The following CLHC1 variants were observed in gnomAD, a reference collection of about 807,000 sequenced individuals.
The protein encoded by CLHC1 is clathrin heavy chain linker domain containing 1, also known as clathrin heavy chain linker domain-containing protein 1.
In CLHC1, 72 loss-of-function variants were observed where a neutral mutation model predicts 69.5. That is an observed-to-expected ratio of 1.04 (90% CI 0.86 to 1.26). The LOEUF (loss-of-function observed/expected upper bound fraction) is 1.26. CLHC1 is among the 50% of genes most tolerant of loss of function. The probability of loss-of-function intolerance (pLI) is 0.00; values close to 1 mark genes in which losing one functional copy is unlikely to be tolerated. For missense variants in CLHC1, 790 were observed against 679.3 expected, an observed-to-expected ratio of 1.16 and a Z score of -1.81; for synonymous variants, 223 against 224.3, an observed-to-expected ratio of 0.99 and a Z score of 0.05.
intron 2 of CLHC1, among the ~76,000 whole-genome samples, chr2:55,227,462 G>A (rs570326643): frequency 3.3e-5 from 5 of 152,082 alleles, no homozygotes; most frequent in South Asian, 2.1e-4. Context: ...GGCAGATCAC[G>A]AGATCAGGAG....
chr2:55,211,770 T>C (rs1196592236), intron 5 of CLHC1, among the ~76,000 whole-genome samples: 2 of 152,118 alleles, frequency 1.3e-5, no homozygotes, highest in African/African-American at 2.4e-5. Context: ...TATCTGTAAT[T>C]CCTCTATCCA....
chr2:55,213,302 G>A (rs1673185810), intron 4 of CLHC1, among the ~76,000 whole-genome samples: 1 of 152,214 alleles, frequency 6.6e-6, no homozygotes, highest in African/African-American at 2.4e-5. Flanking sequence ...CCTTGGGGCT[G>A]CAGGCATTCT....
rs1327370225 is a variant in CLHC1, at chr2:55,208,821, C to G, written c.815-111G>C. 6.3e-6 allele frequency: 4 copies of G among 630,100 alleles called. No individual in the cohort carries two copies. The East Asian group carries it at 1.1e-4, about 18-fold the overall frequency. 39.0% of individuals were successfully genotyped at this position (630,100 alleles called of 1,614,324 possible). On this transcript the variant is annotated intron_variant, in intron 7 of 12. Transcript: ENST00000401408. ...AGCTTATTGCTATGGCTCCTAACAG[C>G]AGCAACCTCTTCCTAAACTTAGTGG...
At chr2:55,199,857 A>T (rs547866556) in intron 9 of CLHC1, among the ~76,000 whole-genome samples, 16 of 152,270 alleles carry the variant, frequency 1.1e-4, no homozygotes, top group African/African-American at 3.9e-4. Context: ...ACAACCAAAA[A>T]ATAACAAAAT....
intron 2 of CLHC1, among the ~76,000 whole-genome samples, chr2:55,226,128 G>A (rs138129674): frequency 6.6e-6 from 1 of 151,226 alleles, no homozygotes; most frequent in African/African-American, 2.4e-5. Context: ...GGAGGCGGAG[G>A]TTGCAGTGAG....
intron 7 of CLHC1, 49 bp from the exon 8 acceptor site, chr2:55,208,759 A>G: frequency 7.9e-7 from 1 of 1,265,282 alleles, no homozygotes; most frequent in South Asian, 1.2e-5. Context: ...TTACTTACCA[A>G]TAGAAAACAA....
intron 3 of CLHC1, among the ~76,000 whole-genome samples, chr2:55,221,014 T>G (rs1325307138): frequency 1.3e-5 from 2 of 152,196 alleles, no homozygotes; most frequent in African/African-American, 4.8e-5. Context: ...CGTATCAACT[T>G]TCCTTATTCT....
intron 9 of CLHC1, among the ~76,000 whole-genome samples, chr2:55,184,193 C>T (rs1670198626): frequency 6.8e-6 from 1 of 148,028 alleles, no homozygotes; most frequent in African/African-American, 2.5e-5. Context: ...GTAATCTTAA[C>T]TTCCCAGGCT....
chr2:55,203,858 C>T (rs941505307), intron 9 of CLHC1, among the ~76,000 whole-genome samples: 4 of 152,056 alleles, frequency 2.6e-5, no homozygotes, highest in Admixed American at 6.6e-5. Context: ...ATACAATCAA[C>T]GAAGTGAAGA....
At chr2:55,192,737 C>A (rs904904312) in intron 9 of CLHC1, among the ~76,000 whole-genome samples, 1 of 152,010 alleles carries the variant, frequency 6.6e-6, no homozygotes, top group Non-Finnish European at 1.5e-5. Flanking sequence ...AAAGTATTTT[C>A]CCAACAAGGT....
At position 55,222,450 on chromosome 2, in the gene CLHC1, A is replaced by G. The variant is rs1448906955; in HGVS notation, c.-39T>C. The G allele has an allele frequency of 6.4e-7, 1 of 1,553,288 alleles. No individual in the cohort carries two copies. The highest frequency in any genetic ancestry group is 2.3e-5 in the East Asian group (1 of 43,700). On this transcript the variant is annotated 5_prime_UTR_variant, in exon 3 of 13. Transcript: ENST00000401408. ...CACACTTGTTCACTGAAGAACAGCT[A>G]AATCTTGACCTGCTCTTGCAACAAA...
Position 55,197,117 on chromosome 2 carries a change from G to A in CLHC1, c.1006+9153C>T, listed in dbSNP as rs546671100. 2.5e-3 allele frequency among the ~76,000 whole-genome samples: 377 copies of A among 152,234 alleles called. 1 individual carries two copies. Among genetic ancestry groups the A allele is most frequent in the African/African-American group, 8.7e-3 (362 of 41,548 alleles). On this transcript the variant is annotated intron_variant, in intron 9 of 12. Transcript: ENST00000401408. ...CGTAGGGAGAGACTCCTCTGCCTGC[G>A]GGAAGGAGAGGAAAAAATAGGAAGG...
intron 11 of CLHC1, among the ~76,000 whole-genome samples, chr2:55,180,067 T>C (rs1173776052): frequency 1.3e-5 from 2 of 151,774 alleles, no homozygotes. Context: ...GGCAGGAGAA[T>C]GGTGTGAACC....
At position 55,173,467 on chromosome 2, in the gene CLHC1, G is replaced by T. The variant is rs1311825882; in HGVS notation, c.*2323C>A. 6.6e-6 allele frequency among the ~76,000 whole-genome samples: 1 copy of T among 152,174 alleles called. No individual in the cohort carries two copies. The highest frequency in any genetic ancestry group is 1.5e-5 in the Non-Finnish European group (1 of 68,012). On this transcript the variant is annotated 3_prime_UTR_variant, in exon 13 of 13. Coordinates refer to ENST00000401408, the MANE Select transcript of CLHC1 (RefSeq NM_152385.4). Reference sequence around the variant, plus strand: ...GTCAAGAAGCATTGGGAAATAATTTGTACCTTTTCAGAATTACTGAATTTT... The same window carrying T: ...GTCAAGAAGCATTGGGAAATAATTTTTACCTTTTCAGAATTACTGAATTTT...
intron 9 of CLHC1, among the ~76,000 whole-genome samples, chr2:55,190,695 T>G (rs575318125): frequency 6.6e-6 from 1 of 152,194 alleles, no homozygotes; most frequent in African/African-American, 2.4e-5. Context: ...CAAAATAAAA[T>G]GTAAAAGACT....
intron 9 of CLHC1, among the ~76,000 whole-genome samples, chr2:55,187,024 T>A (rs1670478450): frequency 6.6e-6 from 1 of 151,780 alleles, no homozygotes; most frequent in South Asian, 2.1e-4. Context: ...CCCAGCACTT[T>A]GGGAGGCTGC....
At chr2:55,223,742 C>T (rs936104279) in intron 2 of CLHC1, among the ~76,000 whole-genome samples, 2 of 152,050 alleles carry the variant, frequency 1.3e-5, no homozygotes, top group African/African-American at 4.8e-5. Flanking sequence ...CTAGGACGCC[C>T]CGGTGTTCAG....
intron 4 of CLHC1, chr2:55,214,993 G>C (rs1442010396): frequency 1.3e-5 from 2 of 152,122 alleles, no homozygotes; most frequent in African/African-American, 4.8e-5. Flanking sequence ...ATCTAGTTGA[G>C]TATTTCTTCG....
At chr2:55,179,421 T>C (rs1287258585) in intron 11 of CLHC1, among the ~76,000 whole-genome samples, 2 of 152,268 alleles carry the variant, frequency 1.3e-5, no homozygotes, top group South Asian at 2.1e-4. Context: ...AATAATAGTA[T>C]AGGGCATGCT....
Sources: allele counts gnomAD v4.1 joint callset (sites outside exome capture counted in the v4.1 genomes callset), GRCh38; gene constraint gnomAD v4.1.1; transcripts MANE v1.5; gene names NCBI Gene and HGNC (gene_info 2026-07-23, HGNC 2026-07-21).